The following OXSR1 variants were observed in gnomAD, a reference collection of about 807,000 sequenced individuals.
The protein encoded by OXSR1 is oxidative stress responsive kinase 1.
OXSR1 carries 24 observed loss-of-function variants against 79.8 expected under a neutral mutation model. The observed-to-expected ratio is 0.30, with a 90% CI of 0.22 to 0.42. The LOEUF (loss-of-function observed/expected upper bound fraction) is 0.42, where lower values mean the gene tolerates loss of function less well. OXSR1 is among the 10% of genes least tolerant of loss of function. The probability of loss-of-function intolerance (pLI) is 1.00; values close to 1 mark genes in which losing one functional copy is unlikely to be tolerated. For missense variants in OXSR1, 430 were observed against 618.4 expected (o/e 0.70, Z 3.23); for synonymous variants, 226 against 209.2 (o/e 1.08, Z -0.69).
intron 4 of OXSR1, among the ~76,000 whole-genome samples, chr3:38,203,183 G>A (rs917651092): frequency 2.0e-5 from 3 of 152,152 alleles, no homozygotes; most frequent in Admixed American, 1.3e-4. Flanking sequence ...AGAAGAAAAC[G>A]CTGACGTATG....
At chr3:38,168,265 CCT>C (rs761742982) in intron 1 of OXSR1, among the ~76,000 whole-genome samples, 1 of 152,080 alleles carries the variant, frequency 6.6e-6, no homozygotes, top group Non-Finnish European at 1.5e-5. Context: ...TAGTAAATTC[CCT>C]GTGTCGTACA....
intron 5 of OXSR1, among the ~76,000 whole-genome samples, chr3:38,216,997 G>A (rs1056239447): frequency 1.3e-5 from 2 of 152,018 alleles, no homozygotes; most frequent in Non-Finnish European, 2.9e-5. Flanking sequence ...GAGTAAAAGG[G>A]TAAACCACAG....
At chr3:38,196,503 G>A (rs1237947357) in intron 3 of OXSR1, among the ~76,000 whole-genome samples, 5 of 152,196 alleles carry the variant, frequency 3.3e-5, no homozygotes, top group Admixed American at 6.5e-5. Flanking sequence ...CTTGTTGGGA[G>A]GAGTTTGAAA....
intron 4 of OXSR1, among the ~76,000 whole-genome samples, chr3:38,204,511 G>T (rs1702229813): frequency 6.6e-6 from 1 of 151,976 alleles, no homozygotes; most frequent in African/African-American, 2.4e-5. Context: ...GGCTGCCACT[G>T]CCAATTATGC....
intron 4 of OXSR1, among the ~76,000 whole-genome samples, chr3:38,210,243 G>C (rs1702358161): frequency 6.6e-6 from 1 of 151,958 alleles, no homozygotes; most frequent in African/African-American, 2.4e-5. Context: ...GTGCTCCTGG[G>C]CTATCAACTG....
intron 12 of OXSR1, among the ~76,000 whole-genome samples, chr3:38,243,526 A>C (rs1443342014): frequency 6.6e-6 from 1 of 152,164 alleles, no homozygotes; most frequent in Non-Finnish European, 1.5e-5. Context: ...ATTACCGGAG[A>C]AAGACAATCA....
At chr3:38,169,071 A>G (rs1248862123) in intron 1 of OXSR1, among the ~76,000 whole-genome samples, 3 of 152,170 alleles carry the variant, frequency 2.0e-5, no homozygotes, top group Non-Finnish European at 2.9e-5. Flanking sequence ...TTATGTTCCT[A>G]CTAGTAATTA....
intron 12 of OXSR1, among the ~76,000 whole-genome samples, chr3:38,243,395 T>C (rs1391871982): frequency 6.6e-6 from 1 of 152,190 alleles, no homozygotes; most frequent in Non-Finnish European, 1.5e-5. Context: ...CTTTTTGAAT[T>C]CTTTCTTTCA....
chr3:38,192,311 G>A (rs79767539), intron 3 of OXSR1, among the ~76,000 whole-genome samples: 8,223 of 151,966 alleles, frequency 0.054, 233 homozygotes, highest in Middle Eastern at 0.14. Flanking sequence ...GATTCCCGAG[G>A]GTTATATTTG....
rs550124473 is a variant in OXSR1 at position 38,185,645 on chromosome 3, A to G, written c.183+2530A>G. ...AATGCAAGATTTAAAATAAAATCCA[A>G]TATTTAAGAACCTGCTGCTAGGGGT... is the stretch of plus-strand genomic sequence containing the variant. On this transcript the variant is annotated intron_variant, in intron 2 of 17. Coordinates refer to ENST00000311806, the MANE Select transcript of OXSR1 (RefSeq NM_005109.3). Among the ~76,000 whole-genome samples the G allele has an allele frequency of 4.0e-5, 6 of 149,932 alleles. No individual in the cohort carries two copies. In the East Asian group the frequency reaches 1.2e-3, roughly 30 times the overall value.
At chr3:38,210,893 G>A (rs182492230) in intron 4 of OXSR1, among the ~76,000 whole-genome samples, 2 of 152,260 alleles carry the variant, frequency 1.3e-5, no homozygotes, top group East Asian at 3.9e-4. Context: ...ACCTTCTGAT[G>A]TCCAAAGCTT....
chr3:38,202,347 ATAT>A (rs990474534), intron 4 of OXSR1, among the ~76,000 whole-genome samples: 1 of 152,200 alleles, frequency 6.6e-6, no homozygotes, highest in African/African-American at 2.4e-5. Flanking sequence ...AGAAAGTATA[ATAT>A]TAAAGCTGGA....
chr3:38,215,466 A>G (rs1702465057), intron 4 of OXSR1, among the ~76,000 whole-genome samples: 1 of 152,188 alleles, frequency 6.6e-6, no homozygotes, highest in Non-Finnish European at 1.5e-5. Flanking sequence ...TGTAGATTTG[A>G]ATGGATAGTA....
intron 1 of OXSR1, among the ~76,000 whole-genome samples, chr3:38,177,750 A>G (rs1390359245): frequency 5.9e-5 from 9 of 151,532 alleles, no homozygotes; most frequent in South Asian, 4.2e-4. Context: ...ATGCCTGGCT[A>G]ATTTTTTTAT....
At chr3:38,216,990 T>TA (rs1332789973) in intron 5 of OXSR1, among the ~76,000 whole-genome samples, 3 of 151,520 alleles carry the variant, frequency 2.0e-5, no homozygotes, top group African/African-American at 2.4e-5. Context: ...ATTAACAGAG[T>TA]AAAAGGGTAA....
At chr3:38,234,063 G>A (rs1559523770) in intron 10 of OXSR1, among the ~76,000 whole-genome samples, 1 of 152,122 alleles carries the variant, frequency 6.6e-6, no homozygotes, top group African/African-American at 2.4e-5. Flanking sequence ...GAAGAATGAA[G>A]TTGGGTCTTT....
intron 1 of OXSR1, among the ~76,000 whole-genome samples, chr3:38,166,527 T>G (rs1346027833): frequency 1.3e-5 from 2 of 152,090 alleles, no homozygotes; most frequent in Non-Finnish European, 2.9e-5. Context: ...GCGTGGTGGC[T>G]CACGCCTGTA....
At chr3:38,225,160 AGACAGATTGAAT>A (rs1460754959) in intron 8 of OXSR1, 2 of 152,636 alleles carry the variant, frequency 1.3e-5, no homozygotes, top group Admixed American at 1.3e-4. Flanking sequence ...TATCAATGTT[AGACAGATTGAAT>A]GACAAGTGAG....
intron 8 of OXSR1, among the ~76,000 whole-genome samples, chr3:38,229,188 G>T (rs1025208938): frequency 6.6e-6 from 1 of 152,156 alleles, no homozygotes; most frequent in Non-Finnish European, 1.5e-5. Flanking sequence ...AAGGGAGATT[G>T]TGAAATCTGT....
Sources: gnomAD v4.1 joint callset for allele counts (sites outside exome capture counted in the v4.1 genomes callset) on GRCh38, gnomAD v4.1.1 for gene constraint, MANE v1.5 for transcripts, NCBI Gene and HGNC (gene_info 2026-07-23, HGNC 2026-07-21) for gene names.